Variants in LRRC37A3 observed in about 807,000 individuals in gnomAD.
LRRC37A3 encodes leucine rich repeat containing 37 member A3, also known as leucine-rich repeat-containing protein 37A3.
A neutral mutation model predicts 106.2 loss-of-function variants in LRRC37A3; 25 were observed. The observed-to-expected ratio is 0.24, with a 90% CI of 0.17 to 0.33. The LOEUF (loss-of-function observed/expected upper bound fraction) is 0.33. LRRC37A3 is among the 10% of genes least tolerant of loss of function. LRRC37A3 has a pLI of 1.00. For missense variants in LRRC37A3, 712 were observed against 1,644.9 expected, an observed-to-expected ratio of 0.43 and a Z score of 9.81; for synonymous variants, 305 against 635.8, an observed-to-expected ratio of 0.48 and a Z score of 7.83.
intron 8 of LRRC37A3, among the ~76,000 whole-genome samples, chr17:64,875,082 G>A (rs1973462777): frequency 6.6e-6 from 1 of 151,588 alleles, no homozygotes; most frequent in Non-Finnish European, 1.5e-5. Context: ...AAACACCCAA[G>A]AATGATCAAT....
At chr17:64,915,766 C>G (rs1195223609) in intron 2 of LRRC37A3, among the ~76,000 whole-genome samples, 3 of 152,176 alleles carry the variant, frequency 2.0e-5, no homozygotes, top group Non-Finnish European at 4.4e-5. Flanking sequence ...TAACAAAGCA[C>G]TTATATCCAA....
intron 10 of LRRC37A3, among the ~76,000 whole-genome samples, chr17:64,864,450 CT>C (rs1972990446): frequency 6.6e-6 from 1 of 152,156 alleles, no homozygotes; most frequent in Admixed American, 6.6e-5. Context: ...ATTCTTTCAT[CT>C]TTCTGGCTTG....
intron 8 of LRRC37A3, among the ~76,000 whole-genome samples, chr17:64,878,800 G>A (rs1243683091): frequency 6.6e-6 from 1 of 152,158 alleles, no homozygotes; most frequent in Non-Finnish European, 1.5e-5. Flanking sequence ...CATAAGAGTT[G>A]CCATATGATC....
At chr17:64,870,864 C>T (rs1329188322) in intron 8 of LRRC37A3, among the ~76,000 whole-genome samples, 1 of 151,250 alleles carries the variant, frequency 6.6e-6, no homozygotes, top group East Asian at 1.9e-4. Flanking sequence ...CTCCTCTCCC[C>T]TTCACTCCCC....
chr17:64,861,560 C>T (rs543717800), intron 11 of LRRC37A3, among the ~76,000 whole-genome samples: 132 of 152,322 alleles, frequency 8.7e-4, no homozygotes, highest in Middle Eastern at 3.4e-3. Flanking sequence ...GTAGCCCCAT[C>T]ACAGAAGATG....
At chr17:64,854,669 G>C in intron 14 of LRRC37A3, 25 bp from the exon 15 acceptor site, 11 of 1,612,934 alleles carry the variant, frequency 6.8e-6, no homozygotes, top group South Asian at 2.2e-5. Flanking sequence ...ACAATGCCAA[G>C]GTTTTGATTC....
chr17:64,860,790 G>T lies in LRRC37A3; in HGVS notation c.3356C>A (p.Thr1119Lys), dbSNP rs746674799. The change falls in exon 12 of 15, where the codon ACA becomes AAA. Residue 1119 changes from threonine (T) to lysine (K), a missense_variant. Physicochemically the swap from Thr to Lys is moderately conservative, Grantham distance 78. Coordinates refer to ENST00000584306, the MANE Select transcript of LRRC37A3 (RefSeq NM_199340.5). The stretch of plus-strand genomic sequence containing the variant: ...GAAATAAGGTAAGATGTAACTTAGT[G>T]TACTGGTAACATCACTCTCGTCATT... ...DTNDESDVTS[T>K]LSYILPYFSA... is the part of the protein sequence containing the mutation. 1 of 1,614,034 alleles carries T rather than the reference G, an allele frequency of 6.2e-7. No homozygotes were observed. Among genetic ancestry groups the T allele is most frequent in the African/African-American group, 1.3e-5 (1 of 74,916 alleles).
intron 8 of LRRC37A3, among the ~76,000 whole-genome samples, chr17:64,869,501 T>C (rs1176237844): frequency 6.6e-6 from 1 of 151,692 alleles, no homozygotes; most frequent in Non-Finnish European, 1.5e-5. Flanking sequence ...ACAGTATTTC[T>C]AGCAACCTCC....
chr17:64,873,091 T>C (rs564860312), intron 8 of LRRC37A3, among the ~76,000 whole-genome samples: 11 of 151,568 alleles, frequency 7.3e-5, no homozygotes, highest in African/African-American at 2.7e-4. Context: ...ACAGAAGAAG[T>C]TCAGAAAAGT....
intron 2 of LRRC37A3, among the ~76,000 whole-genome samples, chr17:64,918,109 C>T (rs1172506919): frequency 1.3e-5 from 2 of 148,604 alleles, no homozygotes; most frequent in Non-Finnish European, 3.0e-5. Flanking sequence ...TAATATGTAG[C>T]ATGCAGGAGG....
rs1465190811 is a variant in LRRC37A3 at position 64,859,306 on chromosome 17, G to T, written c.4704+136C>A. 25 of 978,662 alleles carry T rather than the reference G, an allele frequency of 2.6e-5. 1 individual carries two copies. The Admixed American group carries it at 3.4e-4, about 13-fold the overall frequency. 60.6% of individuals were successfully genotyped at this position (978,662 alleles called of 1,614,324 possible). A position where few individuals can be genotyped will look rare whatever the true frequency, so the allele number is the denominator to read the frequency against. Reference sequence around the variant, plus strand: ...CACTCTCTACATGAGCAAAGTGGGAGATCACTGTCATGACCAAAGTTACAT... The same window carrying T: ...CACTCTCTACATGAGCAAAGTGGGATATCACTGTCATGACCAAAGTTACAT... On this transcript the variant is annotated intron_variant, in intron 12 of 14. Coordinates refer to ENST00000584306, the MANE Select transcript of LRRC37A3 (RefSeq NM_199340.5).
intron 2 of LRRC37A3, among the ~76,000 whole-genome samples, chr17:64,915,218 C>A (rs1193297219): frequency 6.6e-6 from 1 of 151,648 alleles, no homozygotes; most frequent in Non-Finnish European, 1.5e-5. Context: ...ATGAATCTAT[C>A]AAAATATTGC....
chr17:64,913,023 A>T (rs1280096164), intron 2 of LRRC37A3, among the ~76,000 whole-genome samples: 1 of 150,914 alleles, frequency 6.6e-6, no homozygotes, highest in South Asian at 2.1e-4. Context: ...ATTAATATTA[A>T]GTAATTTTTT....
At position 64,896,982 on chromosome 17, in the gene LRRC37A3, G is replaced by A; in HGVS notation, c.276C>T (p.Ser92=). 3 of 1,551,340 alleles carry A rather than the reference G, an allele frequency of 1.9e-6. No homozygotes were observed. Among genetic ancestry groups the A allele is most frequent in the South Asian group, 1.1e-5 (1 of 89,586 alleles). Residue 92 remains serine (S), a synonymous_variant, in exon 4 of 15, where the codon TCC becomes TCT. Coordinates refer to ENST00000584306, the MANE Select transcript of LRRC37A3 (RefSeq NM_199340.5). ...CCTGGGGTGGGGCTGGCATCTCTGA[G>A]GAAGCAGAGGGCCCCAGGTGATCAA... The part of the protein sequence containing the change: ...WDFDHLGPSA[S]SEMPAPPQES...
intron 8 of LRRC37A3, among the ~76,000 whole-genome samples, chr17:64,885,109 GA>G: frequency 2.3e-5 from 2 of 88,038 alleles, no homozygotes; most frequent in East Asian, 8.9e-4. Flanking sequence ...GAGTAGTCAG[GA>G]AAGTATATGG....
intron 8 of LRRC37A3, among the ~76,000 whole-genome samples, chr17:64,875,470 T>G (rs947605740): frequency 9.2e-5 from 14 of 151,952 alleles, no homozygotes; most frequent in Admixed American, 2.6e-4. Context: ...CTATAAGGAG[T>G]ACTAACGTGA....
chr17:64,890,320 C>T lies in LRRC37A3; in HGVS notation c.2682-568G>A, dbSNP rs1321986633. Among the ~76,000 whole-genome samples the T allele has an allele frequency of 6.3e-5, 8 of 126,006 alleles. No homozygotes were observed. The South Asian group carries it at 1.2e-3, about 19-fold the overall frequency. The allele number at this position is 126,006 out of a possible 152,430, so 82.7% of individuals were successfully genotyped here. A position where few individuals can be genotyped will look rare whatever the true frequency, so the allele number is the denominator to read the frequency against. The stretch of plus-strand genomic sequence containing the variant: ...CCTGGCTCAAGTGATCCTCCTGTGT[C>T]TGCTTCCCAAAGTGCTGTGACTGCA... On this transcript the variant is annotated intron_variant, in intron 5 of 14. Coordinates refer to ENST00000584306, the MANE Select transcript of LRRC37A3 (RefSeq NM_199340.5).
At chr17:64,911,145 T>C (rs1483261089) in intron 2 of LRRC37A3, among the ~76,000 whole-genome samples, 1 of 151,918 alleles carries the variant, frequency 6.6e-6, no homozygotes, top group Non-Finnish European at 1.5e-5. Flanking sequence ...CTATACATAT[T>C]TTAAAGAGCT....
In LRRC37A3 at chr17:64,860,390, G is replaced by A. The variant is rs771319702; in HGVS notation, c.3756C>T (p.Ser1252=). Residue 1252 remains serine (S), a synonymous_variant, in exon 12 of 15, where the codon TCC becomes TCT. Coordinates refer to ENST00000584306, the MANE Select transcript of LRRC37A3 (RefSeq NM_199340.5). Reference sequence around the variant, plus strand: ...GGCTGGAGGTAGAAGGCGCGCCCTTGGAGAAGGGTTTCAGCACAGAGACTG... The same window carrying A: ...GGCTGGAGGTAGAAGGCGCGCCCTTAGAGAAGGGTTTCAGCACAGAGACTG... ...KAAVSVLKPF[S]KGAPSTSSPA... 6.2e-7 allele frequency: 1 copy of A among 1,613,942 alleles called. No homozygotes were observed. The highest frequency in any genetic ancestry group is 8.5e-7 in the Non-Finnish European group (1 of 1,179,862).
Sources: gnomAD v4.1 joint callset for allele counts (sites outside exome capture counted in the v4.1 genomes callset) on GRCh38, gnomAD v4.1.1 for gene constraint, MANE v1.5 for transcripts, NCBI Gene and HGNC (gene_info 2026-07-23, HGNC 2026-07-21) for gene names.